Variants in RUFY1 observed in about 807,000 individuals in gnomAD.
RUFY1 encodes RUN and FYVE domain containing 1, also known as RUN and FYVE domain-containing protein 1.
A neutral mutation model predicts 94.6 loss-of-function variants in RUFY1; 54 were observed. That is an observed-to-expected ratio of 0.57 (90% CI 0.46 to 0.72). The LOEUF (loss-of-function observed/expected upper bound fraction) is 0.72, where lower values mean the gene tolerates loss of function less well. Ranked by LOEUF, RUFY1 falls within the 30% of genes least tolerant of loss-of-function variation. The pLI is 0.00. For missense variants in RUFY1, 883 were observed against 883.9 expected (o/e 1.00, Z 0.01); for synonymous variants, 396 against 347.3 (o/e 1.14, Z -1.56).
chr5:179,598,060 T>G (rs756808115), intron 13 of RUFY1, among the ~76,000 whole-genome samples: 77 of 152,156 alleles, frequency 5.1e-4, no homozygotes, highest in Non-Finnish European at 6.9e-4. Flanking sequence ...CGTGGTGGCG[T>G]GTGCCTGTAA....
chr5:179,577,144 C>T lies in RUFY1; in HGVS notation c.890+8C>T, dbSNP rs372890720. ...TCTTGATGGTGGCAAGGAGTAAGTA[C>T]TGCGTTGTATGTCACTTTTTTTTTT... On this transcript the variant is annotated splice_region_variant and intron_variant, in intron 6 of 17. Transcript: ENST00000319449. 17 of 800,306 alleles carry T rather than the reference C, an allele frequency of 2.1e-5. No individual in the cohort carries two copies. Among genetic ancestry groups the T allele is most frequent in the Non-Finnish European group, 2.9e-5 (14 of 488,220 alleles). 49.6% of individuals were successfully genotyped at this position (800,306 alleles called of 1,614,324 possible).
intron 9 of RUFY1, among the ~76,000 whole-genome samples, chr5:179,591,398 A>G (rs779431097): frequency 6.7e-6 from 1 of 148,158 alleles, no homozygotes; most frequent in Admixed American, 6.8e-5. Context: ...GTTAGCCAGG[A>G]TGGTCTCGAT....
At chr5:179,606,194 A>G in intron 16 of RUFY1, 1 of 524,098 alleles carries the variant, frequency 1.9e-6, no homozygotes, top group Non-Finnish European at 3.4e-6. Flanking sequence ...GCATTCCCTA[A>G]GGGGGAAGCA....
intron 1 of RUFY1, among the ~76,000 whole-genome samples, chr5:179,554,051 G>C (rs1163832051): frequency 1.3e-5 from 2 of 152,188 alleles, no homozygotes; most frequent in African/African-American, 4.8e-5. Flanking sequence ...ACTTCAGCCA[G>C]GGCCAGGCCC....
chr5:179,578,640 T>A (rs1763850852), intron 6 of RUFY1, among the ~76,000 whole-genome samples: 1 of 151,738 alleles, frequency 6.6e-6, no homozygotes, highest in Admixed American at 6.6e-5. Context: ...TGTTGTTTGT[T>A]TGTTTGTTTG....
intron 14 of RUFY1, chr5:179,599,508 C>T (rs1207149107): frequency 6.6e-6 from 1 of 152,512 alleles, no homozygotes; most frequent in Non-Finnish European, 1.5e-5. Context: ...AGGACCCTCT[C>T]ACTTGGAGGC....
chr5:179,588,222 T>A (rs1764764177), intron 8 of RUFY1, among the ~76,000 whole-genome samples: 1 of 152,186 alleles, frequency 6.6e-6, no homozygotes, highest in Non-Finnish European at 1.5e-5. Context: ...AGAGGAATTC[T>A]CAGGGGGTGT....
chr5:179,580,241 G>GTGTGTGTGTGTGTGTGTATATA (rs149099074), intron 6 of RUFY1, among the ~76,000 whole-genome samples: 27 of 93,852 alleles, frequency 2.9e-4, no homozygotes, highest in Non-Finnish European at 4.7e-4. Flanking sequence ...GTGTGTGTGT[G>GTGTGTGTGTGTGTGTGTATATA]TATATTTTTT....
chr5:179,559,102 A>G (rs961942253), intron 1 of RUFY1, among the ~76,000 whole-genome samples: 2 of 152,182 alleles, frequency 1.3e-5, no homozygotes, highest in Middle Eastern at 3.4e-3. Context: ...GACAATGTAA[A>G]CGCGCGCGCG....
At chr5:179,562,484 G>A (rs968313358) in intron 2 of RUFY1, 63 bp from the exon 3 acceptor site, 3 of 893,154 alleles carry the variant, frequency 3.4e-6, no homozygotes, top group Non-Finnish European at 3.8e-6. Context: ...GGGAGAGGCT[G>A]TGGGTCCCTG....
chr5:179,607,186 C>T (rs142195486), intron 16 of RUFY1: 6 of 235,772 alleles, frequency 2.5e-5, no homozygotes, highest in Non-Finnish European at 4.2e-5. Context: ...GCCCTTCTTC[C>T]GCGCCTGCCA....
intron 13 of RUFY1, 50 bp downstream of exon 13, chr5:179,596,731 G>C (rs770670321): frequency 7.2e-7 from 1 of 1,395,434 alleles, no homozygotes; most frequent in East Asian, 3.1e-5. Flanking sequence ...AGGAGGGACT[G>C]GGAAGAACTG....
intron 1 of RUFY1, among the ~76,000 whole-genome samples, chr5:179,552,226 A>G (rs1370160069): frequency 6.6e-6 from 1 of 151,630 alleles, no homozygotes; most frequent in East Asian, 1.9e-4. Flanking sequence ...TTAAATGCTC[A>G]GTAGCCTGTG....
At chr5:179,560,343 T>G (rs994413822) in intron 2 of RUFY1, 145 bp downstream of exon 2, 3 of 1,033,648 alleles carry the variant, frequency 2.9e-6, no homozygotes, top group Non-Finnish European at 4.1e-6. Context: ...AGAAGCGACG[T>G]CCTAGAGCAG....
chr5:179,589,629 A>G lies in RUFY1; in HGVS notation c.1110A>G (p.Arg370=). 1 of 1,613,326 alleles carries G rather than the reference A, an allele frequency of 6.2e-7. No homozygotes were observed. The highest frequency in any genetic ancestry group is 8.5e-7 in the Non-Finnish European group (1 of 1,179,216). ...LREQNELIRE[R]SEKSVEITKQ... is the part of the protein sequence containing the mutation. ...AACAAAATGAATTAATTCGAGAAAG[A>G]AGTGAAAAGAGTGTAGAGGTGAGAA... Residue 370 remains arginine (R), a synonymous_variant, in exon 9 of 18, where the codon AGA becomes AGG. Transcript: ENST00000319449.
intron 3 of RUFY1, among the ~76,000 whole-genome samples, chr5:179,563,675 A>C (rs1416511299): frequency 6.6e-6 from 1 of 151,574 alleles, no homozygotes; most frequent in Admixed American, 6.6e-5. Flanking sequence ...TGTTTATTTC[A>C]TGACCTTTTT....
In RUFY1 at chr5:179,608,632, T is replaced by TA. The variant is rs962081328; in HGVS notation, c.1984-739dup. The stretch of plus-strand genomic sequence containing the variant: ...TACAGCAAAAGTAAACTTTTTGTCT[T>TA]AAAAACACCCTTAGGCCGGGCACGG... On this transcript the variant is annotated intron_variant, in intron 17 of 17. Transcript: ENST00000319449. 1.8e-5 allele frequency: 18 copies of TA among 985,234 alleles called. 1 individual carries two copies. The Admixed American group carries it at 7.4e-4, about 40-fold the overall frequency. The allele number at this position is 985,234 out of a possible 1,614,324, so 61.0% of individuals were successfully genotyped here.
chr5:179,553,927 G>A (rs897560069), intron 1 of RUFY1, among the ~76,000 whole-genome samples: 13 of 152,194 alleles, frequency 8.5e-5, no homozygotes, highest in African/African-American at 2.4e-4. Context: ...AAAGGTCACC[G>A]GGATTTGAAG....
intron 2 of RUFY1, among the ~76,000 whole-genome samples, chr5:179,561,080 G>A (rs560413311): frequency 3.9e-5 from 6 of 151,904 alleles, no homozygotes; most frequent in African/African-American, 1.4e-4. Flanking sequence ...GCGTGGTGGC[G>A]CATGCCTGTA....
Sources: allele counts gnomAD v4.1 joint callset (sites outside exome capture counted in the v4.1 genomes callset), GRCh38; gene constraint gnomAD v4.1.1; transcripts MANE v1.5; gene names NCBI Gene and HGNC (gene_info 2026-07-23, HGNC 2026-07-21).